Variants in YTHDC2 observed in about 807,000 individuals in gnomAD.
YTHDC2 encodes 3'-5' RNA helicase YTHDC2.
In YTHDC2, 45 loss-of-function variants were observed where a neutral mutation model predicts 174.9. The ratio of observed to expected loss-of-function variants is 0.26; its 90% confidence interval spans 0.20 to 0.33. YTHDC2 has a LOEUF of 0.33. Among genes scored for constraint, YTHDC2 ranks in the 10% least tolerant of loss-of-function variants. YTHDC2 has a pLI of 1.00. For synonymous variants in YTHDC2, 657 were observed against 574.5 expected (o/e 1.14, Z -2.05); for missense variants, 1,650 against 1,723.7 (o/e 0.96, Z 0.76).
At chr5:113,529,498 G>A (rs1452145658) in intron 4 of YTHDC2, among the ~76,000 whole-genome samples, 1 of 152,086 alleles carries the variant, frequency 6.6e-6, no homozygotes, top group African/African-American at 2.4e-5. Context: ...ACATCTTTCT[G>A]TACTGAAAGT....
At chr5:113,573,009 A>T (rs1178891623) in intron 23 of YTHDC2, among the ~76,000 whole-genome samples, 1 of 152,234 alleles carries the variant, frequency 6.6e-6, no homozygotes, top group East Asian at 1.9e-4. Flanking sequence ...TGATTCTGTC[A>T]TGATGCTAGC....
intron 11 of YTHDC2, 69 bp downstream of exon 11, chr5:113,548,736 A>G: frequency 1.4e-6 from 2 of 1,456,498 alleles, no homozygotes; most frequent in Non-Finnish European, 1.8e-6. Flanking sequence ...TTGTTTTCTT[A>G]TGTTTGTCTT....
chr5:113,534,467 T>C lies in YTHDC2; in HGVS notation c.945+60T>C, dbSNP rs947819094. 6.8e-6 allele frequency: 10 copies of C among 1,468,988 alleles called. No individual in the cohort carries two copies. The Admixed American group carries it at 1.0e-4, about 15-fold the overall frequency. 91.0% of individuals were successfully genotyped at this position (1,468,988 alleles called of 1,614,324 possible). ...AGATTGCTTAAAATTTAAATACATA[T>C]GCCGTTTCAGGATAGTCTCAAAAAA... On this transcript the variant is annotated intron_variant, in intron 6 of 29. Coordinates refer to ENST00000161863, the MANE Select transcript of YTHDC2 (RefSeq NM_022828.5).
chr5:113,541,034 C>T lies in YTHDC2; in HGVS notation c.1277C>T (p.Ser426Phe), dbSNP rs768070458. ...SAQENSFKPE[S>F]QRQRTVLNVT... ...CAAGAAAATAGTTTCAAGCCTGAAT[C>T]TCAGAGGCAGAGAACTGTTCTAAAT... Residue 426 changes from serine (S) to phenylalanine (F), a missense_variant, in exon 9 of 30, where the codon TCT becomes TTT. By Grantham distance (155) the Ser-to-Phe change is radical. Transcript: ENST00000161863. 9 of 1,613,944 alleles carry T rather than the reference C, an allele frequency of 5.6e-6. No homozygotes were observed. The highest frequency in any genetic ancestry group is 1.3e-5 in the African/African-American group (1 of 74,888).
intron 23 of YTHDC2, among the ~76,000 whole-genome samples, chr5:113,570,915 T>C (rs1393123072): frequency 6.6e-6 from 1 of 152,140 alleles, no homozygotes; most frequent in East Asian, 1.9e-4. Context: ...GGCCTCCCAA[T>C]GTGCTGGGAT....
At chr5:113,541,306 C>G (rs182766770) in intron 9 of YTHDC2, among the ~76,000 whole-genome samples, 190 bp downstream of exon 9, 2,771 of 152,042 alleles carry the variant, frequency 0.018, 41 homozygotes, top group Non-Finnish European at 0.025. Flanking sequence ...ATTCTCCTGC[C>G]TCAGCCTCCC....
At chr5:113,533,907 C>T (rs528260916) in intron 5 of YTHDC2, among the ~76,000 whole-genome samples, 1 of 152,162 alleles carries the variant, frequency 6.6e-6, no homozygotes, top group East Asian at 1.9e-4. Flanking sequence ...ACCTAAAACC[C>T]TTTCTGTCTC....
chr5:113,578,159 A>T (rs765208466), intron 23 of YTHDC2, among the ~76,000 whole-genome samples: 4 of 151,826 alleles, frequency 2.6e-5, no homozygotes, highest in Non-Finnish European at 4.4e-5. Flanking sequence ...TAAATAACGG[A>T]ATAGTGTTTG....
chr5:113,519,730 C>G (rs2112526517), intron 2 of YTHDC2, among the ~76,000 whole-genome samples: 1 of 152,244 alleles, frequency 6.6e-6, no homozygotes. Flanking sequence ...TTGTTGTATA[C>G]TTGTGCTAGG....
At chr5:113,560,955 A>G in intron 17 of YTHDC2, 125 bp from the exon 18 acceptor site, 1 of 720,844 alleles carries the variant, frequency 1.4e-6, no homozygotes, top group Non-Finnish European at 2.1e-6. Flanking sequence ...AAGAAACAGA[A>G]TAGGATTTAA....
At chr5:113,575,134 A>T (rs915086512) in intron 23 of YTHDC2, among the ~76,000 whole-genome samples, 4 of 152,168 alleles carry the variant, frequency 2.6e-5, no homozygotes, top group Admixed American at 6.5e-5. Context: ...GTGCCTTTTC[A>T]TTCTTCTTTG....
Position 113,594,770 on chromosome 5 carries a change from G to C in YTHDC2, c.*1296G>C, listed in dbSNP as rs531426186. On this transcript the variant is annotated 3_prime_UTR_variant, in exon 30 of 30. Coordinates refer to ENST00000161863, the MANE Select transcript of YTHDC2 (RefSeq NM_022828.5). ...TATAAAAGCAAACAGGCAAACATGA[G>C]TGTAAATTAAAGACAAAAAGAAAAC... 1 of 152,260 alleles carries C rather than the reference G, an allele frequency of 6.6e-6. No individual in the cohort carries two copies. The highest frequency in any genetic ancestry group is 1.9e-4 in the East Asian group (1 of 5,182). The allele number at this position is 152,260 out of a possible 1,614,324, so 9.4% of individuals were successfully genotyped here.
intron 2 of YTHDC2, among the ~76,000 whole-genome samples, chr5:113,518,865 T>G (rs1561618456): frequency 1.3e-5 from 2 of 152,116 alleles, no homozygotes; most frequent in African/African-American, 2.4e-5. Context: ...TCTAAATAAT[T>G]GAATTTTACC....
intron 25 of YTHDC2, chr5:113,581,989 G>A (rs1182956381): frequency 4.4e-6 from 1 of 227,960 alleles, no homozygotes; most frequent in African/African-American, 2.3e-5. Flanking sequence ...CTAGAATTGG[G>A]TCTCTCAAAA....
intron 23 of YTHDC2, among the ~76,000 whole-genome samples, chr5:113,571,482 C>T (rs926787296): frequency 6.6e-6 from 1 of 152,178 alleles, no homozygotes; most frequent in African/African-American, 2.4e-5. Flanking sequence ...CAGTATGATG[C>T]TGGTCTTACA....
At chr5:113,516,421 C>CT in intron 2 of YTHDC2, among the ~76,000 whole-genome samples, 2 of 152,308 alleles carry the variant, frequency 1.3e-5, no homozygotes, top group South Asian at 4.1e-4. Context: ...TTGAAAAACT[C>CT]TAAAATTCTG....
In YTHDC2 at chr5:113,593,587, T is replaced by C. The variant is rs145426617; in HGVS notation, c.*113T>C. 5.6e-5 allele frequency: 24 copies of C among 426,754 alleles called. No homozygotes were observed. The Admixed American group carries it at 8.1e-4, about 14-fold the overall frequency. 26.4% of individuals were successfully genotyped at this position (426,754 alleles called of 1,614,324 possible). A position where few individuals can be genotyped will look rare whatever the true frequency, so the allele number is the denominator to read the frequency against. ...GTTACGAATGGGCTTTTTAACACTT[T>C]TAGAGTGTTGCTTTAGAACTACCAT... On this transcript the variant is annotated 3_prime_UTR_variant, in exon 30 of 30. Coordinates refer to ENST00000161863, the MANE Select transcript of YTHDC2 (RefSeq NM_022828.5).
At chr5:113,546,881 G>A (rs375149090) in intron 10 of YTHDC2, among the ~76,000 whole-genome samples, 1 of 152,310 alleles carries the variant, frequency 6.6e-6, no homozygotes, top group Non-Finnish European at 1.5e-5. Context: ...TGGCAGAATA[G>A]CCATGAGTTC....
Position 113,540,840 on chromosome 5 carries a change from T to C in YTHDC2, c.1211-128T>C, listed in dbSNP as rs565095516. 1.5e-4 allele frequency: 117 copies of C among 789,174 alleles called. No homozygotes were observed. In the South Asian group the frequency reaches 2.2e-3, roughly 15 times the overall value. 48.9% of individuals were successfully genotyped at this position (789,174 alleles called of 1,614,324 possible). A position where few individuals can be genotyped will look rare whatever the true frequency, so the allele number is the denominator to read the frequency against. On this transcript the variant is annotated intron_variant, in intron 8 of 29. Transcript: ENST00000161863. ...TATTGAATATTCTTAATATATTTTT[T>C]AAAAGTAACTACAGAATAAGACCAA...
Sources: gnomAD v4.1 joint callset for allele counts (sites outside exome capture counted in the v4.1 genomes callset) on GRCh38, gnomAD v4.1.1 for gene constraint, MANE v1.5 for transcripts, NCBI Gene and HGNC (gene_info 2026-07-23, HGNC 2026-07-21) for gene names.